Variants in ELF2 observed in about 807,000 individuals in gnomAD.
ELF2 encodes E74 like ETS transcription factor 2, also known as ETS-related transcription factor Elf-2.
A neutral mutation model predicts 54.8 loss-of-function variants in ELF2; 11 were observed. The ratio of observed to expected loss-of-function variants is 0.20; its 90% CI spans 0.13 to 0.33. The LOEUF (loss-of-function observed/expected upper bound fraction) is 0.33, where lower values mean the gene tolerates loss of function less well. Among genes scored for constraint, ELF2 ranks in the 10% least tolerant of loss-of-function variants. The pLI, the probability that ELF2 is intolerant of heterozygous loss-of-function variation, is 1.00. For missense variants in ELF2, 513 were observed against 703.0 expected, an observed-to-expected ratio of 0.73 and a Z score of 3.06; for synonymous variants, 203 against 245.1, an observed-to-expected ratio of 0.83 and a Z score of 1.61.
At chr4:139,130,704 G>A (rs1384566865) in intron 3 of ELF2, among the ~76,000 whole-genome samples, 5 of 152,126 alleles carry the variant, frequency 3.3e-5, no homozygotes, top group African/African-American at 4.8e-5. Flanking sequence ...GAGTTATATC[G>A]TAGTCAATTT....
intron 3 of ELF2, 81 bp from the exon 4 acceptor site, chr4:139,125,410 G>A: frequency 2.7e-6 from 4 of 1,492,860 alleles, no homozygotes; most frequent in East Asian, 2.3e-5. Flanking sequence ...AACTAATACA[G>A]TCTCGAGCAG....
At chr4:139,107,534 AT>A (rs1734538369) in intron 4 of ELF2, among the ~76,000 whole-genome samples, 1 of 152,236 alleles carries the variant, frequency 6.6e-6, no homozygotes, top group African/African-American at 2.4e-5. Flanking sequence ...ATACAAAAAA[AT>A]CAAACTAAAA....
chr4:139,172,930 T>A (rs1171132463), intron 1 of ELF2, among the ~76,000 whole-genome samples: 1 of 118,992 alleles, frequency 8.4e-6, no homozygotes, highest in Non-Finnish European at 1.8e-5. Flanking sequence ...TACAAAGAAA[T>A]ACTATTCCAA....
chr4:139,133,568 G>A (rs899052925), intron 3 of ELF2, among the ~76,000 whole-genome samples: 1 of 151,608 alleles, frequency 6.6e-6, no homozygotes, highest in Non-Finnish European at 1.5e-5. Context: ...GGTCTTTAAT[G>A]TGTCTCAACA....
intron 4 of ELF2, among the ~76,000 whole-genome samples, chr4:139,111,171 C>T (rs747084497): frequency 1.3e-5 from 2 of 152,078 alleles, no homozygotes; most frequent in Non-Finnish European, 2.9e-5. Context: ...ACTATGACAC[C>T]TAAGGCCTAG....
intron 4 of ELF2, among the ~76,000 whole-genome samples, chr4:139,119,190 C>T (rs556326985): frequency 1.3e-5 from 2 of 152,332 alleles, no homozygotes; most frequent in South Asian, 4.1e-4. Flanking sequence ...ATAGAATTTA[C>T]GTATCTCCTT....
intron 4 of ELF2, among the ~76,000 whole-genome samples, chr4:139,096,569 C>CT (rs1200665004): frequency 4.6e-5 from 7 of 151,582 alleles, no homozygotes; most frequent in Admixed American, 6.6e-5. Context: ...TCAAGCGATT[C>CT]TCCTGCCTCA....
At chr4:139,092,400 AACATAACATAACAT>A (rs1374762802) in intron 4 of ELF2, among the ~76,000 whole-genome samples, 10 of 97,768 alleles carry the variant, frequency 1.0e-4, no homozygotes, top group South Asian at 3.7e-4. Context: ...AACATAACAT[AACATAACATAACAT>A]ACATAACATA....
At chr4:139,125,363 T>C (rs1348534596) in intron 3 of ELF2, 34 bp from the exon 4 acceptor site, 1 of 1,594,922 alleles carries the variant, frequency 6.3e-7, no homozygotes, top group Admixed American at 1.9e-5. Context: ...AATCAACCTT[T>C]GTATTTACAA....
intron 4 of ELF2, among the ~76,000 whole-genome samples, chr4:139,100,883 A>G (rs1178308152): frequency 6.6e-6 from 1 of 152,176 alleles, no homozygotes; most frequent in Admixed American, 6.5e-5. Flanking sequence ...AGGAGGCAAT[A>G]ATGAAAACAG....
intron 4 of ELF2, among the ~76,000 whole-genome samples, chr4:139,106,684 C>A (rs1302420711): frequency 6.7e-6 from 1 of 149,540 alleles, no homozygotes. Context: ...TATATTAATA[C>A]AGAAACACAT....
chr4:139,131,120 C>A (rs903063052), intron 3 of ELF2, among the ~76,000 whole-genome samples: 1 of 152,164 alleles, frequency 6.6e-6, no homozygotes, highest in African/African-American at 2.4e-5. Context: ...TAATTCCCTA[C>A]AAGCTAGGGT....
At chr4:139,169,043 C>A (rs1241587904) in intron 1 of ELF2, among the ~76,000 whole-genome samples, 1 of 152,132 alleles carries the variant, frequency 6.6e-6, no homozygotes, top group African/African-American at 2.4e-5. Flanking sequence ...GTGGCTCACG[C>A]CAGTAATCCC....
intron 4 of ELF2, among the ~76,000 whole-genome samples, chr4:139,093,334 C>G (rs1330496615): frequency 1.3e-5 from 2 of 152,104 alleles, no homozygotes; most frequent in African/African-American, 4.8e-5. Context: ...AACAAACCAA[C>G]AAAAACCCAG....
chr4:139,114,136 T>C (rs138276207), intron 4 of ELF2, among the ~76,000 whole-genome samples: 148 of 152,362 alleles, frequency 9.7e-4, no homozygotes, highest in Non-Finnish European at 1.8e-3. Flanking sequence ...TAACACTCTA[T>C]TGAAGTAAAT....
rs72949609 is a variant in ELF2 at position 139,091,859 on chromosome 4, C to T, written c.239-18292G>A. Among the ~76,000 whole-genome samples, 1,179 of 151,626 alleles carry T rather than the reference C, an allele frequency of 7.8e-3. 21 individuals carry two copies. Among genetic ancestry groups the T allele is most frequent in the African/African-American group, 0.027 (1,114 of 41,318 alleles). ...TGAAAAGATTAATAAAATAAACACA[C>T]TTTGGCAAAGGTTGTCAAGAAAATA... On this transcript the variant is annotated intron_variant, in intron 4 of 9. Transcript: ENST00000686138.
chr4:139,083,189 G>T (rs964921255), intron 4 of ELF2, among the ~76,000 whole-genome samples: 1 of 152,070 alleles, frequency 6.6e-6, no homozygotes, highest in Admixed American at 6.5e-5. Flanking sequence ...TTTGGGGGGG[G>T]GTAGAGGGGA....
At chr4:139,169,931 A>ATT (rs1356987419) in intron 1 of ELF2, among the ~76,000 whole-genome samples, 5 of 151,476 alleles carry the variant, frequency 3.3e-5, no homozygotes, top group Admixed American at 6.6e-5. Context: ...CGGTATGCAT[A>ATT]TTCCCATTAT....
At chr4:139,070,701 T>C (rs1379549253) in intron 6 of ELF2, among the ~76,000 whole-genome samples, 1 of 152,202 alleles carries the variant, frequency 6.6e-6, no homozygotes, top group African/African-American at 2.4e-5. Flanking sequence ...ATGTATGCCT[T>C]TTGTTTTTAA....
Sources: allele counts gnomAD v4.1 joint callset (sites outside exome capture counted in the v4.1 genomes callset), GRCh38; gene constraint gnomAD v4.1.1; transcripts MANE v1.5; gene names NCBI Gene and HGNC (gene_info 2026-07-23, HGNC 2026-07-21).